SLC15A4: variants seen among roughly 807,000 people sequenced by gnomAD.
SLC15A4 encodes solute carrier family 15 member 4.
Under a neutral mutation model 46.1 loss-of-function variants are expected in SLC15A4, and 26 were observed. The ratio of observed to expected loss-of-function variants is 0.56; its 90% CI spans 0.41 to 0.78. The LOEUF (loss-of-function observed/expected upper bound fraction) is 0.78. Ranked by LOEUF, SLC15A4 falls within the 30% of genes least tolerant of loss-of-function variation. The pLI is 0.00. For synonymous variants in SLC15A4, 370 were observed against 333.4 expected (o/e 1.11, Z -1.20); for missense variants, 751 against 755.7 (o/e 0.99, Z 0.07).
At chr12:128,818,011 T>C (rs1178414677) in intron 1 of SLC15A4, among the ~76,000 whole-genome samples, 2 of 151,980 alleles carry the variant, frequency 1.3e-5, no homozygotes, top group Non-Finnish European at 2.9e-5. Context: ...AATAGAATTG[T>C]GTACAGCATA....
rs1955478599 is a variant in SLC15A4 at position 128,798,786 on chromosome 12, ATGTT to A, written c.1573+469_1573+472del. 2.0e-5 allele frequency among the ~76,000 whole-genome samples: 3 copies of A among 152,250 alleles called. No individual in the cohort carries two copies. In the Middle Eastern group the frequency reaches 0.01, roughly 518 times the overall value. On this transcript the variant is annotated intron_variant, in intron 7 of 7. Coordinates refer to ENST00000266771, the MANE Select transcript of SLC15A4 (RefSeq NM_145648.4). Reference sequence around the variant, plus strand: ...CCCATTATGATTGATCACAAGTAATATGTTTATTTTTAAAAGTAACTTACTATCT... The same window carrying A: ...CCCATTATGATTGATCACAAGTAATATATTTTTAAAAGTAACTTACTATCT...
At chr12:128,798,481 G>A (rs1335641864) in intron 7 of SLC15A4, among the ~76,000 whole-genome samples, 1 of 152,194 alleles carries the variant, frequency 6.6e-6, no homozygotes, top group Non-Finnish European at 1.5e-5. Flanking sequence ...TGCAATTTCT[G>A]CAGAAAAGTC....
chr12:128,823,383 G>A lies in SLC15A4; in HGVS notation c.546+15C>T, dbSNP rs986356030. 4 of 1,401,092 alleles carry A rather than the reference G, an allele frequency of 2.9e-6. No homozygotes were observed. The highest frequency in any genetic ancestry group is 3.7e-6 in the Non-Finnish European group (4 of 1,083,970). The allele number at this position is 1,401,092 out of a possible 1,614,324, so 86.8% of individuals were successfully genotyped here. A position where few individuals can be genotyped will look rare whatever the true frequency, so the allele number is the denominator to read the frequency against. ...CTGGACAGGGACAGGGACAGCGCGCGGGGGCGCGGCTCACCTGGTCGGCGC... is the reference window on the plus strand; with the variant it reads ...CTGGACAGGGACAGGGACAGCGCGCAGGGGCGCGGCTCACCTGGTCGGCGC... On this transcript the variant is annotated intron_variant, in intron 1 of 7. Coordinates refer to ENST00000266771, the MANE Select transcript of SLC15A4 (RefSeq NM_145648.4).
At chr12:128,821,028 ACTTCCT>A (rs1745165156) in intron 1 of SLC15A4, among the ~76,000 whole-genome samples, 1 of 152,054 alleles carries the variant, frequency 6.6e-6, no homozygotes, top group African/African-American at 2.4e-5. Flanking sequence ...CCCCTCTCTC[ACTTCCT>A]CTAGTGCATG....
chr12:128,809,107 G>T (rs915219677), intron 4 of SLC15A4, 151 bp from the exon 5 acceptor site: 2 of 720,702 alleles, frequency 2.8e-6, no homozygotes, highest in Non-Finnish European at 4.5e-6. Context: ...ACGGAACTGG[G>T]AAAAGATTTC....
chr12:128,797,252 C>T (rs936650745), intron 7 of SLC15A4, among the ~76,000 whole-genome samples: 2 of 151,760 alleles, frequency 1.3e-5, no homozygotes, highest in African/African-American at 2.4e-5. Context: ...ACGGCTCGTA[C>T]GAAGGAGCAG....
intron 3 of SLC15A4, 28 bp downstream of exon 3, chr12:128,809,915 G>A (rs767501212): frequency 8.1e-6 from 13 of 1,601,370 alleles, no homozygotes; most frequent in Non-Finnish European, 1.1e-5. Flanking sequence ...GAAGATAAAG[G>A]AAATTAAACC....
chr12:128,811,940 G>C (rs1413447120), intron 2 of SLC15A4, among the ~76,000 whole-genome samples: 1 of 152,180 alleles, frequency 6.6e-6, no homozygotes, highest in African/African-American at 2.4e-5. Flanking sequence ...ACGGTCACAA[G>C]TGACACCCGA....
intron 7 of SLC15A4, among the ~76,000 whole-genome samples, chr12:128,796,500 G>A (rs1955446296): frequency 1.4e-5 from 2 of 145,488 alleles, no homozygotes; most frequent in Non-Finnish European, 3.0e-5. Flanking sequence ...TTTTTAAAGA[G>A]TGCTCATTCA....
rs1470486272 is a variant in SLC15A4 at position 128,814,943 on chromosome 12, C to T, written c.674G>A (p.Gly225Asp). 3.7e-6 allele frequency: 6 copies of T among 1,614,186 alleles called. No individual in the cohort carries two copies. Among genetic ancestry groups the T allele is most frequent in the Non-Finnish European group, 4.2e-6 (5 of 1,180,044 alleles). The change falls in exon 2 of 8, where the codon GGT becomes GAT. Residue 225 changes from glycine to aspartate, a missense_variant. Gly to Asp is a moderately conservative substitution (Grantham distance 94). Coordinates refer to ENST00000266771, the MANE Select transcript of SLC15A4 (RefSeq NM_145648.4). ...YIQQNVSFVT[G>D]YAIPTVCVGL... ...GACGCAGACAGTGGGGATCGCATAA[C>T]CAGTGACAAAGCTGACGTTCTGCTG...
At chr12:128,797,131 G>A (rs1171789488) in intron 7 of SLC15A4, among the ~76,000 whole-genome samples, 5 of 152,146 alleles carry the variant, frequency 3.3e-5, no homozygotes, top group Non-Finnish European at 5.9e-5. Flanking sequence ...GGGTCCCCAA[G>A]GAATGAGCGC....
At chr12:128,802,175 G>C (rs2135707813) in intron 5 of SLC15A4, among the ~76,000 whole-genome samples, 1 of 152,282 alleles carries the variant, frequency 6.6e-6, no homozygotes, top group African/African-American at 2.4e-5. Flanking sequence ...GGCAAGGACA[G>C]CAAACTATTT....
rs759102833 is a variant in SLC15A4, at chr12:128,823,729, G to A, written c.215C>T (p.Ala72Val). ...LNGAPFCWEGAQASEALLLFM... is the reference protein window; with the variant it reads ...LNGAPFCWEGVQASEALLLFM... ...GAGCAGCAGCGCCTCGCTGGCCTGCGCGCCCTCCCAGCAGAACGGCGCCCC... is the reference window on the plus strand; with the variant it reads ...GAGCAGCAGCGCCTCGCTGGCCTGCACGCCCTCCCAGCAGAACGGCGCCCC... Residue 72 changes from alanine to valine, a missense_variant, in exon 1 of 8, where the codon GCG (alanine) becomes GTG (valine). Coordinates refer to ENST00000266771, the MANE Select transcript of SLC15A4 (RefSeq NM_145648.4). 10 of 1,539,554 alleles carry A rather than the reference G, an allele frequency of 6.5e-6. No individual in the cohort carries two copies. The South Asian group carries it at 8.4e-5, about 13-fold the overall frequency.
chr12:128,810,011 C>T lies in SLC15A4; in HGVS notation c.943G>A (p.Val315Met), dbSNP rs771177586. Residue 315 changes from valine to methionine, a missense_variant, in exon 3 of 8, where the codon GTG becomes ATG. Val to Met is a conservative substitution (Grantham distance 21). Coordinates refer to ENST00000266771, the MANE Select transcript of SLC15A4 (RefSeq NM_145648.4). ...GGGACAATCTTGACCAGAGCTTTCA[C>T]ATCTTCCACTTTCTCTTCTGTAAAT... ...GPFTEEKVEDVKALVKIVPVF... is the reference protein window; with the variant it reads ...GPFTEEKVEDMKALVKIVPVF... 11 of 1,614,110 alleles carry T rather than the reference C, an allele frequency of 6.8e-6. No homozygotes were observed. The highest frequency in any genetic ancestry group is 5.3e-5 in the African/African-American group (4 of 74,948).
At position 128,808,828 on chromosome 12, in the gene SLC15A4, G is replaced by A. The variant is rs200862556; in HGVS notation, c.1218C>T (p.Ala406=). 66 of 1,614,194 alleles carry A rather than the reference G, an allele frequency of 4.1e-5. No homozygotes were observed. The East Asian group carries it at 1.1e-3, about 27-fold the overall frequency. ...GLLPSSLKRI[A]VGMFFVMCSA... ...AGCACATGACAAAGAACATGCCCAC[G>A]GCGATCCTCTTCAGGGAGGATGGGA... Residue 406 remains alanine, a synonymous_variant, in exon 5 of 8, where the codon GCC becomes GCT. Transcript: ENST00000266771.
intron 7 of SLC15A4, among the ~76,000 whole-genome samples, chr12:128,795,574 G>A (rs1437749480): frequency 6.6e-6 from 1 of 152,216 alleles, no homozygotes; most frequent in Non-Finnish European, 1.5e-5. Flanking sequence ...GACGCGGTGA[G>A]GGTGCTAGCA....
At chr12:128,817,608 G>A (rs1955775884) in intron 1 of SLC15A4, among the ~76,000 whole-genome samples, 1 of 152,098 alleles carries the variant, frequency 6.6e-6, no homozygotes, top group Admixed American at 6.5e-5. Context: ...TCAGACTTAT[G>A]TCCTCTTCAG....
At chr12:128,808,093 T>A (rs1955611015) in intron 5 of SLC15A4, among the ~76,000 whole-genome samples, 1 of 152,222 alleles carries the variant, frequency 6.6e-6, no homozygotes, top group East Asian at 1.9e-4. Flanking sequence ...AATTTTCAAA[T>A]ATTAATGAAG....
chr12:128,806,946 C>G (rs1406282979), intron 5 of SLC15A4, among the ~76,000 whole-genome samples: 1 of 146,094 alleles, frequency 6.8e-6, no homozygotes, highest in Non-Finnish European at 1.5e-5. Context: ...GCTCTGTCAC[C>G]AGGCTGGAGT....
Sources: allele counts gnomAD v4.1 joint callset (sites outside exome capture counted in the v4.1 genomes callset), GRCh38; gene constraint gnomAD v4.1.1; transcripts MANE v1.5; gene names NCBI Gene and HGNC (gene_info 2026-07-23, HGNC 2026-07-21).